Variants in TAF4 observed in about 807,000 individuals in gnomAD.
TAF4 encodes the protein TATA-box binding protein associated factor 4.
Under a neutral mutation model 90.3 loss-of-function variants are expected in TAF4, and 9 were observed. The ratio of observed to expected loss-of-function variants is 0.10; its 90% CI spans 0.06 to 0.17. The LOEUF is 0.17. Among genes scored for constraint, TAF4 ranks in the 10% least tolerant of loss-of-function variants. The pLI is 1.00. For synonymous variants in TAF4, 818 were observed against 638.9 expected, an observed-to-expected ratio of 1.28 and a Z score of -4.23; for missense variants, 1,351 against 1,370.7, an observed-to-expected ratio of 0.99 and a Z score of 0.23.
In TAF4 at chr20:62,064,538, C is replaced by G; in HGVS notation, c.1273G>C (p.Ala425Pro). 1.3e-6 allele frequency: 2 copies of G among 1,526,924 alleles called. No homozygotes were observed. The highest frequency in any genetic ancestry group is 2.4e-5 in the South Asian group (2 of 81,732). 94.6% of individuals were successfully genotyped at this position (1,526,924 alleles called of 1,614,324 possible). Reference protein sequence around the residue: ...TPTATTSGIRATLTPTVLAPR... With the variant: ...TPTATTSGIRPTLTPTVLAPR... Reference sequence around the variant, plus strand: ...GCCAGCACGGTGGGCGTCAGGGTGGCCCGAATCCCGCTGGTGGTGGCCGTG... The same window carrying G: ...GCCAGCACGGTGGGCGTCAGGGTGGGCCGAATCCCGCTGGTGGTGGCCGTG... The change falls in exon 1 of 15, where the codon GCC becomes CCC. Residue 425 changes from alanine to proline, a missense_variant. This residue lies in a region of TAF4 where 782 missense variants were observed against 536.6 expected (regional missense o/e 1.46). Coordinates refer to ENST00000252996, the MANE Select transcript of TAF4 (RefSeq NM_003185.4).
At chr20:62,056,915 T>C (rs913794013) in intron 1 of TAF4, among the ~76,000 whole-genome samples, 2 of 152,218 alleles carry the variant, frequency 1.3e-5, no homozygotes, top group Non-Finnish European at 2.9e-5. Context: ...TCACCCTTGT[T>C]CCTGTCATGA....
chr20:62,050,577 G>A (rs1309390412), intron 1 of TAF4, among the ~76,000 whole-genome samples: 2 of 152,022 alleles, frequency 1.3e-5, no homozygotes, highest in Non-Finnish European at 2.9e-5. Context: ...AATTTAAATG[G>A]TCAAAGCCCC....
At chr20:62,061,967 G>A (rs1306120613) in intron 1 of TAF4, among the ~76,000 whole-genome samples, 2 of 152,204 alleles carry the variant, frequency 1.3e-5, no homozygotes, top group African/African-American at 2.4e-5. Flanking sequence ...ACTTCAGGGT[G>A]AAACCTCTGT....
intron 1 of TAF4, among the ~76,000 whole-genome samples, chr20:62,062,837 C>T (rs1354320055): frequency 6.6e-6 from 1 of 152,210 alleles, no homozygotes; most frequent in Non-Finnish European, 1.5e-5. Context: ...CCTGGCCAGC[C>T]CCACAAGACA....
intron 1 of TAF4, among the ~76,000 whole-genome samples, chr20:62,040,094 G>A (rs2145501762): frequency 6.6e-6 from 1 of 152,290 alleles, no homozygotes. Flanking sequence ...ATATTCATTT[G>A]CCATATTCAG....
chr20:62,017,051 G>A (rs893649175), intron 1 of TAF4, among the ~76,000 whole-genome samples: 3 of 151,982 alleles, frequency 2.0e-5, no homozygotes, highest in African/African-American at 7.3e-5. Context: ...TAGGGTGGGA[G>A]GATCATCTGA....
At chr20:62,008,789 C>T (rs2055762046) in intron 5 of TAF4, 3 of 347,010 alleles carry the variant, frequency 8.6e-6, no homozygotes, top group African/African-American at 2.1e-5. Context: ...GAGCCACAGA[C>T]AAGGGACGCA....
At chr20:62,001,531 C>G (rs534093426) in intron 9 of TAF4, among the ~76,000 whole-genome samples, 1 of 152,302 alleles carries the variant, frequency 6.6e-6, no homozygotes, top group South Asian at 2.1e-4. Flanking sequence ...CCGCCTCCAG[C>G]AGTGGGCTTT....
chr20:61,987,555 C>T (rs1490786365), intron 14 of TAF4, among the ~76,000 whole-genome samples: 2 of 152,146 alleles, frequency 1.3e-5, no homozygotes, highest in Non-Finnish European at 2.9e-5. Context: ...CGGCCAAAAC[C>T]CAGAACACGG....
Position 62,064,704 on chromosome 20 carries a change from C to T in TAF4, c.1107G>A (p.Thr369=). ...TTGGCCCGATGACCATGCTGGCCGCCGTGCTGGCCGGGCCGCTGGCCGCCA... is the reference window on the plus strand; with the variant it reads ...TTGGCCCGATGACCATGCTGGCCGCTGTGCTGGCCGGGCCGCTGGCCGCCA... ...QTLAASGPAS[T]AASMVIGPTM... is the part of the protein sequence containing the mutation. The change falls in exon 1 of 15, where the codon ACG becomes ACA. Residue 369 remains threonine, a synonymous_variant. Coordinates refer to ENST00000252996, the MANE Select transcript of TAF4 (RefSeq NM_003185.4). 4 of 1,241,162 alleles carry T rather than the reference C, an allele frequency of 3.2e-6. No individual in the cohort carries two copies. The highest frequency in any genetic ancestry group is 3.0e-6 in the Non-Finnish European group (3 of 995,962). The allele number at this position is 1,241,162 out of a possible 1,614,324, so 76.9% of individuals were successfully genotyped here.
At chr20:62,064,346 T>C (rs1293238977) in intron 1 of TAF4, 105 bp downstream of exon 1, 1 of 1,223,498 alleles carries the variant, frequency 8.2e-7, no homozygotes, top group Non-Finnish European at 1.0e-6. Flanking sequence ...GCCACGGGCC[T>C]ACGGGACAGA....
intron 1 of TAF4, among the ~76,000 whole-genome samples, chr20:62,063,849 T>C (rs1309385447): frequency 2.0e-5 from 3 of 152,230 alleles, no homozygotes; most frequent in Admixed American, 2.0e-4. Flanking sequence ...TCTCCCTGCC[T>C]GGTGGCAGCA....
At chr20:62,025,448 G>A (rs936716761) in intron 1 of TAF4, among the ~76,000 whole-genome samples, 1 of 152,204 alleles carries the variant, frequency 6.6e-6, no homozygotes, top group African/African-American at 2.4e-5. Flanking sequence ...TTGGCTCCGT[G>A]TCCCCACCAA....
At position 62,064,842 on chromosome 20, in the gene TAF4, C is replaced by A. The variant is rs199804789; in HGVS notation, c.969G>T (p.Ala323=). Residue 323 remains alanine (A), a synonymous_variant, in exon 1 of 15, where the codon GCG becomes GCT. Transcript: ENST00000252996. ...CGGGCCCGGGTTGGCCGCTGACCCC[C>A]GCGGGGCCCCCGGCGGCCGGGGCGG... is the stretch of plus-strand genomic sequence containing the variant. The part of the protein sequence containing the change: ...PAPAPAAGGP[A]GVSGQPGPGA... The A allele has an allele frequency of 0.2, 197,079 of 965,642 alleles. 21,387 individuals carry two copies. The highest frequency in any genetic ancestry group is 0.26 in the Middle Eastern group (495 of 1,870). 59.8% of individuals were successfully genotyped at this position (965,642 alleles called of 1,614,324 possible). A position where few individuals can be genotyped will look rare whatever the true frequency, so the allele number is the denominator to read the frequency against.
At chr20:62,060,378 T>G (rs993655006) in intron 1 of TAF4, among the ~76,000 whole-genome samples, 18 of 152,224 alleles carry the variant, frequency 1.2e-4, no homozygotes, top group African/African-American at 4.1e-4. Flanking sequence ...CAGTAAGCAG[T>G]GAGGAGAGAG....
At chr20:62,051,699 C>T (rs1279962243) in intron 1 of TAF4, among the ~76,000 whole-genome samples, 1 of 152,144 alleles carries the variant, frequency 6.6e-6, no homozygotes, top group Non-Finnish European at 1.5e-5. Context: ...AGTCCCTCCT[C>T]TGAGGGGCCT....
At chr20:61,978,498 C>T (rs1435066847) in intron 14 of TAF4, among the ~76,000 whole-genome samples, 3 of 150,118 alleles carry the variant, frequency 2.0e-5, no homozygotes, top group Non-Finnish European at 4.4e-5. Context: ...AGGGAGGGCG[C>T]GACACCAACC....
intron 1 of TAF4, among the ~76,000 whole-genome samples, chr20:62,054,753 G>A (rs972661547): frequency 1.4e-4 from 22 of 152,064 alleles, no homozygotes; most frequent in Non-Finnish European, 2.9e-4. Context: ...GCACCTGCAG[G>A]GCAGCCTCCT....
At chr20:62,017,206 G>GT (rs1810454527) in intron 1 of TAF4, among the ~76,000 whole-genome samples, 1 of 152,062 alleles carries the variant, frequency 6.6e-6, no homozygotes, top group Non-Finnish European at 1.5e-5. Context: ...GCAGACTTAA[G>GT]TGCACACATG....
Sources: allele counts gnomAD v4.1 joint callset (sites outside exome capture counted in the v4.1 genomes callset), GRCh38; gene constraint gnomAD v4.1.1; regional missense constraint gnomAD v4.1.1; transcripts MANE v1.5; gene names NCBI Gene and HGNC (gene_info 2026-07-23, HGNC 2026-07-21).